KIF25: variants seen among roughly 807,000 people sequenced by gnomAD.
KIF25 encodes kinesin family member 25.
A neutral mutation model predicts 32.9 loss-of-function variants in KIF25; 19 were observed. The ratio of observed to expected loss-of-function variants is 0.58; its 90% CI spans 0.40 to 0.85. The LOEUF (loss-of-function observed/expected upper bound fraction) is 0.85, where lower values mean the gene tolerates loss of function less well. Ranked by LOEUF, KIF25 falls within the 40% of genes least tolerant of loss-of-function variation. The pLI, the probability that KIF25 is intolerant of heterozygous loss-of-function variation, is 0.00. For synonymous variants in KIF25, 225 were observed against 213.7 expected (o/e 1.05, Z -0.46); for missense variants, 485 against 507.0 (o/e 0.96, Z 0.42).
intron 7 of KIF25, among the ~76,000 whole-genome samples, chr6:168,031,095 C>G (rs1347635547): frequency 6.6e-6 from 1 of 152,218 alleles, no homozygotes. Flanking sequence ...GGATTCCAAA[C>G]TCCACTTTAG....
At chr6:168,024,788 C>T (rs538545867) in intron 5 of KIF25, among the ~76,000 whole-genome samples, 1 of 151,990 alleles carries the variant, frequency 6.6e-6, no homozygotes, top group African/African-American at 2.4e-5. Flanking sequence ...CGGTGGCTCA[C>T]GCCTGTAATC....
intron 2 of KIF25, among the ~76,000 whole-genome samples, chr6:168,001,610 AGGC>A (rs1465203016): frequency 9.9e-5 from 3 of 30,376 alleles, no homozygotes; most frequent in African/African-American, 6.9e-4. Context: ...AAGACACCTG[AGGC>A]CGTGGCCTCG....
At chr6:168,026,956 G>A (rs1203512103) in intron 5 of KIF25, among the ~76,000 whole-genome samples, 4 of 152,156 alleles carry the variant, frequency 2.6e-5, no homozygotes, top group Non-Finnish European at 5.9e-5. Context: ...TATGTGCCAG[G>A]CACCCTGTTA....
At chr6:168,006,818 G>A (rs1044537672) in intron 4 of KIF25, among the ~76,000 whole-genome samples, 4 of 152,168 alleles carry the variant, frequency 2.6e-5, no homozygotes, top group Non-Finnish European at 4.4e-5. Context: ...TGATGGTTAC[G>A]TATTGTAAAC....
At chr6:168,000,552 C>T (rs1404485672) in intron 2 of KIF25, among the ~76,000 whole-genome samples, 6 of 141,076 alleles carry the variant, frequency 4.3e-5, no homozygotes, top group Non-Finnish European at 9.2e-5. Flanking sequence ...CCCATCCTGA[C>T]CACACCTGAC....
intron 4 of KIF25, among the ~76,000 whole-genome samples, chr6:168,009,298 T>C (rs1447170555): frequency 6.6e-6 from 1 of 152,166 alleles, no homozygotes; most frequent in Non-Finnish European, 1.5e-5. Flanking sequence ...TTGAATATTT[T>C]GAAAAGCTTT....
intron 6 of KIF25, 22 bp from the exon 7 acceptor site, chr6:168,030,751 G>C: frequency 6.3e-7 from 1 of 1,599,574 alleles, no homozygotes; most frequent in Non-Finnish European, 8.5e-7. Flanking sequence ...TATTAATACA[G>C]CATTTTCACT....
intron 5 of KIF25, among the ~76,000 whole-genome samples, chr6:168,018,498 G>A (rs1798745544): frequency 6.6e-6 from 1 of 152,304 alleles, no homozygotes; most frequent in African/African-American, 2.4e-5. Flanking sequence ...CCCATCATAA[G>A]ACGAGGGACA....
chr6:168,012,625 G>A (rs1798663234), intron 4 of KIF25, among the ~76,000 whole-genome samples: 1 of 152,234 alleles, frequency 6.6e-6, no homozygotes, highest in Non-Finnish European at 1.5e-5. Flanking sequence ...GCACACAGTT[G>A]CTTAGCTGAC....
At chr6:168,035,122 A>AAAACAAAGGCTCAGGCAAGAGCCCTG (rs1255712834) in intron 8 of KIF25, among the ~76,000 whole-genome samples, 1 of 150,314 alleles carries the variant, frequency 6.7e-6, no homozygotes, top group Non-Finnish European at 1.5e-5. Flanking sequence ...TGAGGTAGAA[A>AAAACAAAGGCTCAGGCAAGAGCCCTG]GCGGGAGAGA....
intron 5 of KIF25, among the ~76,000 whole-genome samples, chr6:168,026,534 C>CT (rs34989476): frequency 0.012 from 1,817 of 152,074 alleles, 42 homozygotes; most frequent in African/African-American, 0.042. Flanking sequence ...TTTATAACAG[C>CT]TTTTTATGGA....
chr6:168,042,295 A>G, intron 11 of KIF25, 144 bp downstream of exon 11: 1 of 946,842 alleles, frequency 1.1e-6, no homozygotes, highest in Non-Finnish European at 1.5e-6. Context: ...AAATCCCGTT[A>G]CATTCTCAGG....
chr6:168,033,903 G>GT lies in KIF25; in HGVS notation c.190dup (p.Tyr64LeufsTer26). On this transcript the variant is annotated frameshift_variant, in exon 8 of 13. Transcript: ENST00000643607. LOFTEE classifies it high-confidence loss of function. ...TTAGGTACAATGTTTGTGTTATGGC[G>GT]TATGGACAGACGGGCAGCGGAAAGA... The GT allele has an allele frequency of 6.2e-7, 1 of 1,614,156 alleles. No individual in the cohort carries two copies. Among genetic ancestry groups the GT allele is most frequent in the Non-Finnish European group, 8.5e-7 (1 of 1,180,020 alleles).
At position 168,030,901 on chromosome 6, in the gene KIF25, A is replaced by G. The variant is rs1489488201; in HGVS notation, c.167+54A>G. On this transcript the variant is annotated intron_variant, in intron 7 of 12. Coordinates refer to ENST00000643607, the MANE Select transcript of KIF25 (RefSeq NM_030615.4). ...ATCATAGTTACATTTGAATATAAAG[A>G]AGCTTCACTGTGCTGTGGAGTGAGA... is the stretch of plus-strand genomic sequence containing the variant. 5 of 1,376,852 alleles carry G rather than the reference A, an allele frequency of 3.6e-6. No individual in the cohort carries two copies. In the African/African-American group the frequency reaches 7.2e-5, roughly 20 times the overall value. The allele number at this position is 1,376,852 out of a possible 1,614,324, so 85.3% of individuals were successfully genotyped here. A position where few individuals can be genotyped will look rare whatever the true frequency, so the allele number is the denominator to read the frequency against.
chr6:168,038,723 C>T lies in KIF25; in HGVS notation c.488C>T (p.Ala163Val). The change falls in exon 9 of 13, where the codon GCC becomes GTC. Residue 163 changes from alanine to valine, a missense_variant. Physicochemically the swap from Ala to Val is moderately conservative, Grantham distance 64. This residue lies in a region of KIF25 where 480 missense variants were observed against 470.3 expected (regional missense o/e 1.02). Coordinates refer to ENST00000643607, the MANE Select transcript of KIF25 (RefSeq NM_030615.4). ...KDGRTEVALL[A>V]SEAVGSASKL... ...GGACGGACAGAGGTTGCGCTGCTGGCCTCTGAGTGAGTACTGCACCTGCCC... is the reference window on the plus strand; with the variant it reads ...GGACGGACAGAGGTTGCGCTGCTGGTCTCTGAGTGAGTACTGCACCTGCCC... 6.2e-7 allele frequency: 1 copy of T among 1,613,196 alleles called. No individual in the cohort carries two copies. Among genetic ancestry groups the T allele is most frequent in the Non-Finnish European group, 8.5e-7 (1 of 1,179,858 alleles).
At chr6:168,006,006 G>A (rs1412246782) in intron 4 of KIF25, among the ~76,000 whole-genome samples, 3 of 152,192 alleles carry the variant, frequency 2.0e-5, no homozygotes, top group Non-Finnish European at 4.4e-5. Context: ...GGCTCTCATG[G>A]GAGGGTCAGG....
intron 4 of KIF25, among the ~76,000 whole-genome samples, chr6:168,015,802 A>G (rs576789021): frequency 1.3e-5 from 2 of 152,328 alleles, no homozygotes; most frequent in East Asian, 3.9e-4. Flanking sequence ...AAATCGAACG[A>G]TCTCACTGTG....
chr6:168,029,750 C>G, intron 6 of KIF25, 73 bp downstream of exon 6: 1 of 1,510,914 alleles, frequency 6.6e-7, no homozygotes, highest in Non-Finnish European at 8.9e-7. Flanking sequence ...GCTCACTTTT[C>G]TATTCTTTCT....
At chr6:168,039,820 C>T (rs908826281) in intron 9 of KIF25, among the ~76,000 whole-genome samples, 3 of 152,188 alleles carry the variant, frequency 2.0e-5, no homozygotes, top group Admixed American at 6.5e-5. Context: ...GGTTAGCAAC[C>T]TCTGATTTTG....
Sources: allele counts gnomAD v4.1 joint callset (sites outside exome capture counted in the v4.1 genomes callset), GRCh38; gene constraint gnomAD v4.1.1; regional missense constraint gnomAD v4.1.1; transcripts MANE v1.5; gene names NCBI Gene and HGNC (gene_info 2026-07-23, HGNC 2026-07-21).